SNX25: variants seen among roughly 807,000 people sequenced by gnomAD.
The protein encoded by SNX25 is sorting nexin 25.
In SNX25, 62 loss-of-function variants were observed where a neutral mutation model predicts 113.7. That is an observed-to-expected ratio of 0.55 (90% CI 0.44 to 0.67). The LOEUF (loss-of-function observed/expected upper bound fraction) is 0.67. Ranked by LOEUF, SNX25 falls within the 30% of genes least tolerant of loss-of-function variation. The pLI, the probability that SNX25 is intolerant of heterozygous loss-of-function variation, is 0.00. For missense variants in SNX25, 1,014 were observed against 1,161.0 expected (o/e 0.87, Z 1.84); for synonymous variants, 421 against 436.2 (o/e 0.97, Z 0.43).
intron 13 of SNX25, among the ~76,000 whole-genome samples, 190 bp from the exon 14 acceptor site, chr4:185,351,255 T>A (rs750285217): frequency 1.1e-4 from 16 of 152,198 alleles, no homozygotes; most frequent in Non-Finnish European, 2.4e-4. Flanking sequence ...TGGAGGGGAT[T>A]GTTTGCCATT....
chr4:185,352,056 G>A (rs2095318144), intron 14 of SNX25, among the ~76,000 whole-genome samples: 3 of 152,126 alleles, frequency 2.0e-5, no homozygotes, highest in East Asian at 1.9e-4. Flanking sequence ...CAAGGTTCAC[G>A]CCAGGCTGAG....
chr4:185,324,494 G>A (rs1009858466), intron 9 of SNX25, among the ~76,000 whole-genome samples: 7 of 152,132 alleles, frequency 4.6e-5, no homozygotes, highest in African/African-American at 9.6e-5. Context: ...GAATGTTTCT[G>A]TGTGGAGGAG....
chr4:185,255,133 CTTCT>C (rs1560939006), intron 2 of SNX25, among the ~76,000 whole-genome samples: 1 of 151,506 alleles, frequency 6.6e-6, no homozygotes, highest in African/African-American at 2.4e-5. Context: ...GCTTTGTTTT[CTTCT>C]TTATTTTTTT....
downstream of SNX25, chr4:185,367,245 C>G: frequency 1.9e-6 from 3 of 1,609,170 alleles, no homozygotes; most frequent in Non-Finnish European, 2.5e-6. Flanking sequence ...AGACGACAAG[C>G]CTTAAAATCA....
chr4:185,353,093 T>C, intron 14 of SNX25: 1 of 161,164 alleles, frequency 6.2e-6, no homozygotes, highest in Non-Finnish European at 1.4e-5. Flanking sequence ...ACTAAATTAC[T>C]TTAAAATGCA....
intron 7 of SNX25, among the ~76,000 whole-genome samples, chr4:185,316,247 TGTC>T (rs1456333705): frequency 6.6e-6 from 1 of 152,262 alleles, no homozygotes; most frequent in Non-Finnish European, 1.5e-5. Context: ...TTTTTGTTGT[TGTC>T]TTTCGTGATT....
chr4:185,335,316 TCACACACACACACACACA>T (rs3047486), intron 10 of SNX25, among the ~76,000 whole-genome samples: 20 of 140,898 alleles, frequency 1.4e-4, no homozygotes, highest in African/African-American at 4.2e-4. Flanking sequence ...TGAAAAAGTC[TCACACACACACACACACA>T]CACACACACA....
chr4:185,278,496 A>G (rs888416225), intron 5 of SNX25, among the ~76,000 whole-genome samples: 1 of 16,584 alleles, frequency 6.0e-5, no homozygotes, highest in Non-Finnish European at 1.1e-4. Context: ...GAAATGACGC[A>G]TGGAATGAAT....
chr4:185,286,242 A>G (rs1751333343), intron 5 of SNX25, among the ~76,000 whole-genome samples: 1 of 152,118 alleles, frequency 6.6e-6, no homozygotes, highest in Non-Finnish European at 1.5e-5. Context: ...CAGCCTCCAT[A>G]GTAGCTAGGA....
At position 185,263,215 on chromosome 4, in the gene SNX25, G is replaced by A. The variant is rs115994276; in HGVS notation, c.732-1223G>A. 5.1e-3 allele frequency among the ~76,000 whole-genome samples: 783 copies of A among 152,224 alleles called. 4 individuals are homozygous for A. Among genetic ancestry groups the A allele is most frequent in the African/African-American group, 0.017 (718 of 41,548 alleles). On this transcript the variant is annotated intron_variant, in intron 3 of 18. Coordinates refer to ENST00000652585, the MANE Select transcript of SNX25 (RefSeq NM_001378034.2). ...AGAGATTTTGATATTGTTTAAATAA[G>A]CTTCTCTTGTAAAAGTGGTTTTTTT...
intron 6 of SNX25, chr4:185,296,142 T>A (rs1341686755): frequency 6.6e-6 from 1 of 152,170 alleles, no homozygotes; most frequent in Non-Finnish European, 1.5e-5. Flanking sequence ...TAGCTAGTTC[T>A]CTCCAGCCCT....
At chr4:185,270,763 T>C (rs976160732) in intron 5 of SNX25, among the ~76,000 whole-genome samples, 22 of 152,244 alleles carry the variant, frequency 1.4e-4, no homozygotes, top group African/African-American at 5.3e-4. Flanking sequence ...ACATTTCATG[T>C]AAATGGAATC....
At chr4:185,208,620 C>T (rs552100372), upstream of SNX25, among the ~76,000 whole-genome samples, 2 of 151,718 alleles carry the variant, frequency 1.3e-5, no homozygotes, top group East Asian at 3.9e-4. Context: ...CCCAGCTACT[C>T]GGGAGGCTGA....
chr4:185,361,937 A>T lies in SNX25; in HGVS notation c.2665A>T (p.Thr889Ser). The T allele has an allele frequency of 6.2e-7, 1 of 1,614,050 alleles. No homozygotes were observed. Among genetic ancestry groups the T allele is most frequent in the Non-Finnish European group, 8.5e-7 (1 of 1,179,964 alleles). Residue 889 changes from threonine to serine, a missense_variant, in exon 17 of 19, where the codon ACA (threonine) becomes TCA (serine). Transcript: ENST00000652585. Reference protein sequence around the residue: ...GRTINKQIRDTVSWIFSEQML... With the variant: ...GRTINKQIRDSVSWIFSEQML... Reference sequence around the variant, plus strand: ...TTCTCTTAAAAGACAAATCCGGGACACAGTCAGCTGGATTTTCAGTGAGCA... The same window carrying T: ...TTCTCTTAAAAGACAAATCCGGGACTCAGTCAGCTGGATTTTCAGTGAGCA...
At chr4:185,243,060 G>A (rs1744306508) in intron 1 of SNX25, among the ~76,000 whole-genome samples, 1 of 152,170 alleles carries the variant, frequency 6.6e-6, no homozygotes, top group Non-Finnish European at 1.5e-5. Flanking sequence ...CGGGTGGGAT[G>A]TGGGAACTTC....
intron 7 of SNX25, among the ~76,000 whole-genome samples, chr4:185,315,846 C>T (rs935553990): frequency 6.6e-6 from 1 of 152,190 alleles, no homozygotes; most frequent in Non-Finnish European, 1.5e-5. Flanking sequence ...AGTATATGTT[C>T]TCCTGACAGT....
intron 2 of SNX25, 96 bp from the exon 3 acceptor site, chr4:185,258,752 A>C: frequency 2.2e-6 from 2 of 928,102 alleles, no homozygotes; most frequent in Non-Finnish European, 1.7e-6. Context: ...TAAACAGTGA[A>C]TATTAAATAG....
intron 9 of SNX25, among the ~76,000 whole-genome samples, chr4:185,331,632 T>C (rs1365307813): frequency 6.6e-6 from 1 of 151,924 alleles, no homozygotes; most frequent in East Asian, 1.9e-4. Context: ...AATACAAAAA[T>C]TAGCTGGACG....
chr4:185,258,838 T>C lies in SNX25; in HGVS notation c.515-10T>C, dbSNP rs1413898775. 1 of 1,605,634 alleles carries C rather than the reference T, an allele frequency of 6.2e-7. No individual in the cohort carries two copies. Among genetic ancestry groups the C allele is most frequent in the East Asian group, 2.2e-5 (1 of 44,672 alleles). ...TTTGTTTTACTCATTGCTTTGTTTA[T>C]TCCTGGTAGTGTTCGACTACAGTTA... On this transcript the variant is annotated splice_polypyrimidine_tract_variant and intron_variant, in intron 2 of 18. Transcript: ENST00000652585.
Sources: gnomAD v4.1 joint callset for allele counts (sites outside exome capture counted in the v4.1 genomes callset) on GRCh38, gnomAD v4.1.1 for gene constraint, MANE v1.5 for transcripts, NCBI Gene and HGNC (gene_info 2026-07-23, HGNC 2026-07-21) for gene names.